METTL15: variants seen among roughly 807,000 people sequenced by gnomAD.
METTL15 encodes the protein methyltransferase 15, mitochondrial 12S rRNA N4-cytidine.
Under a neutral mutation model 38.3 loss-of-function variants are expected in METTL15, and 34 were observed. That is an observed-to-expected ratio of 0.89 (90% CI 0.68 to 1.18). The LOEUF (loss-of-function observed/expected upper bound fraction) is 1.18, where lower values mean the gene tolerates loss of function less well. Among genes scored for constraint, METTL15 ranks in the 50% most tolerant of loss-of-function variants. METTL15 has a pLI of 0.00. For missense variants in METTL15, 438 were observed against 498.4 expected, an observed-to-expected ratio of 0.88 and a Z score of 1.15; for synonymous variants, 162 against 170.9, an observed-to-expected ratio of 0.95 and a Z score of 0.41.
At chr11:28,272,534 C>T (rs1189335957) in intron 4 of METTL15, among the ~76,000 whole-genome samples, 1 of 152,114 alleles carries the variant, frequency 6.6e-6, no homozygotes, top group East Asian at 1.9e-4. Context: ...CACATGGACA[C>T]AGGGCAGGGA....
chr11:28,176,142 T>G (rs552059913), intron 3 of METTL15, among the ~76,000 whole-genome samples: 1 of 152,120 alleles, frequency 6.6e-6, no homozygotes, highest in African/African-American at 2.4e-5. Flanking sequence ...AAAATTTGTA[T>G]TTTTGTATTT....
intron 4 of METTL15, among the ~76,000 whole-genome samples, chr11:28,243,841 T>C (rs1425519231): frequency 6.6e-6 from 1 of 152,182 alleles, no homozygotes; most frequent in Admixed American, 6.5e-5. Context: ...TAAATCTTTG[T>C]TTTAGTTATC....
chr11:28,342,681 A>T (rs1849963104), intron 3 of METTL15, among the ~76,000 whole-genome samples: 1 of 152,218 alleles, frequency 6.6e-6, no homozygotes, highest in East Asian at 1.9e-4. Context: ...CAGGTTTAGA[A>T]TAGATGACTT....
chr11:28,109,030 A>T (rs1488324041), intron 1 of METTL15, among the ~76,000 whole-genome samples: 1 of 152,230 alleles, frequency 6.6e-6, no homozygotes, highest in African/African-American at 2.4e-5. Flanking sequence ...TTTTAGACAC[A>T]ATAGTATGCA....
At chr11:28,509,617 G>T (rs1160340518) in intron 6 of METTL15, among the ~76,000 whole-genome samples, 1 of 152,166 alleles carries the variant, frequency 6.6e-6, no homozygotes, top group Non-Finnish European at 1.5e-5. Flanking sequence ...TTCAGTATGG[G>T]CTGATAACTG....
intron 4 of METTL15, among the ~76,000 whole-genome samples, chr11:28,360,156 A>G (rs986558802): frequency 6.6e-5 from 10 of 152,138 alleles, no homozygotes; most frequent in African/African-American, 2.4e-4. Flanking sequence ...ACACTATAAC[A>G]TTCCTTCCTA....
At chr11:28,118,961 A>T (rs1852092898) in intron 3 of METTL15, among the ~76,000 whole-genome samples, 1 of 152,180 alleles carries the variant, frequency 6.6e-6, no homozygotes, top group Admixed American at 6.5e-5. Flanking sequence ...TAGCTAGATT[A>T]AAAAAGAAAT....
rs1042614674 is a variant in METTL15, at chr11:28,504,145, C to T, written c.*425-22333C>T. ...CCCGGAGGCAGAGGTTGCAGTGAGT[C>T]GAGATCACTCCATTGCACTCCAGCT... On this transcript the variant is annotated intron_variant and NMD_transcript_variant, in intron 6 of 7. Coordinates refer to the METTL15 transcript ENST00000532947. 2.2e-5 allele frequency among the ~76,000 whole-genome samples: 3 copies of T among 135,714 alleles called. No individual in the cohort carries two copies. The Admixed American group carries it at 2.7e-4, about 12-fold the overall frequency. 89.0% of individuals were successfully genotyped at this position (135,714 alleles called of 152,430 possible).
In METTL15 at chr11:28,507,483, C is replaced by T. The variant is rs1285815357; in HGVS notation, c.*425-18995C>T. Among the ~76,000 whole-genome samples, 8 of 152,284 alleles carry T rather than the reference C, an allele frequency of 5.3e-5. No homozygotes were observed. In the East Asian group the frequency reaches 1.4e-3, roughly 26 times the overall value. Reference sequence around the variant, plus strand: ...TTGACCTGAGACTTGGGCAGGGTAACAAATCCAAACTGTATCATCACTTTA... The same window carrying T: ...TTGACCTGAGACTTGGGCAGGGTAATAAATCCAAACTGTATCATCACTTTA... On this transcript the variant is annotated intron_variant and NMD_transcript_variant, in intron 6 of 7. Coordinates refer to the METTL15 transcript ENST00000532947.
intron 3 of METTL15, among the ~76,000 whole-genome samples, chr11:28,339,651 C>T (rs1849932911): frequency 1.3e-5 from 2 of 151,798 alleles, no homozygotes; most frequent in African/African-American, 2.4e-5. Context: ...TAGCAGAAGC[C>T]ATATTTGGAG....
At chr11:28,266,568 T>C (rs977813820) in intron 4 of METTL15, among the ~76,000 whole-genome samples, 2 of 152,164 alleles carry the variant, frequency 1.3e-5, no homozygotes, top group Non-Finnish European at 2.9e-5. Context: ...CTGCCCAAAA[T>C]CCTTATAGTC....
At chr11:28,411,971 G>C (rs963844636) in intron 5 of METTL15, among the ~76,000 whole-genome samples, 1 of 152,186 alleles carries the variant, frequency 6.6e-6, no homozygotes, top group African/African-American at 2.4e-5. Flanking sequence ...TGTGAAGATG[G>C]CCAGCAGGTA....
chr11:28,374,275 T>C (rs1291328387), intron 5 of METTL15, among the ~76,000 whole-genome samples: 1 of 152,172 alleles, frequency 6.6e-6, no homozygotes, highest in South Asian at 2.1e-4. Flanking sequence ...ATTTTCAGGA[T>C]ACTGATTCTT....
intron 5 of METTL15, among the ~76,000 whole-genome samples, chr11:28,421,869 C>T (rs899101415): frequency 2.6e-5 from 4 of 151,968 alleles, no homozygotes; most frequent in Non-Finnish European, 4.4e-5. Flanking sequence ...AAATAAAGGG[C>T]ATCCAAATTG....
chr11:28,387,024 G>A (rs1266284091), intron 5 of METTL15, among the ~76,000 whole-genome samples: 1 of 151,742 alleles, frequency 6.6e-6, no homozygotes. Flanking sequence ...TTAAAACATA[G>A]CATACTAAAA....
chr11:28,471,194 T>A (rs1313381593), intron 6 of METTL15, among the ~76,000 whole-genome samples: 1 of 152,062 alleles, frequency 6.6e-6, no homozygotes, highest in East Asian at 1.9e-4. Flanking sequence ...CCTGATTTCC[T>A]CCAGAGTAAG....
intron 4 of METTL15, among the ~76,000 whole-genome samples, chr11:28,243,091 AAAAC>A (rs747556747): frequency 6.6e-6 from 1 of 151,924 alleles, no homozygotes; most frequent in Non-Finnish European, 1.5e-5. Flanking sequence ...TAAAAAAAAA[AAAAC>A]AGTGTGGAAG....
chr11:28,358,313 G>C (rs1009440129), intron 4 of METTL15, among the ~76,000 whole-genome samples: 6 of 152,148 alleles, frequency 3.9e-5, no homozygotes, highest in Non-Finnish European at 7.4e-5. Flanking sequence ...GCCATGCTAT[G>C]CTGGACTTCT....
chr11:28,421,346 C>A (rs188056246), intron 5 of METTL15, among the ~76,000 whole-genome samples: 1 of 152,090 alleles, frequency 6.6e-6, no homozygotes, highest in African/African-American at 2.4e-5. Flanking sequence ...GGAAGTAATA[C>A]TTCCAAACTC....
Sources: gnomAD v4.1 joint callset for allele counts (sites outside exome capture counted in the v4.1 genomes callset) on GRCh38, gnomAD v4.1.1 for gene constraint, MANE v1.5 for transcripts, NCBI Gene and HGNC (gene_info 2026-07-23, HGNC 2026-07-21) for gene names.